Variants in POU2F1 observed in about 807,000 individuals in gnomAD.
The protein encoded by POU2F1 is POU domain, class 2, transcription factor 1.
Under a neutral mutation model 84.9 loss-of-function variants are expected in POU2F1, and 16 were observed. The ratio of observed to expected loss-of-function variants is 0.19; its 90% CI spans 0.13 to 0.29. The LOEUF is 0.29. POU2F1 is among the 10% of genes least tolerant of loss of function. The pLI, the probability that POU2F1 is intolerant of heterozygous loss-of-function variation, is 1.00. For synonymous variants in POU2F1, 368 were observed against 368.3 expected, an observed-to-expected ratio of 1.00 and a Z score of 0.01; for missense variants, 738 against 942.6, an observed-to-expected ratio of 0.78 and a Z score of 2.84.
rs945912075 is a variant in POU2F1 at position 167,409,282 on chromosome 1, A to C, written c.1556-2677A>C. Among the ~76,000 whole-genome samples the C allele has an allele frequency of 5.3e-5, 8 of 152,150 alleles. 1 individual carries two copies. In the South Asian group the frequency reaches 1.7e-3, roughly 32 times the overall value. ...AGTTTATAAGTTGTATCTCAATAAA[A>C]GCTGTTTGAGAAAAGACAAGACAGG... On this transcript the variant is annotated intron_variant, in intron 13 of 15. Coordinates refer to ENST00000367866, the MANE Select transcript of POU2F1 (RefSeq NM_002697.4).
chr1:167,327,692 A>G lies in POU2F1; in HGVS notation c.62-4778A>G, dbSNP rs1656801108. On this transcript the variant is annotated intron_variant, in intron 1 of 15. Coordinates refer to ENST00000367866, the MANE Select transcript of POU2F1 (RefSeq NM_002697.4). The stretch of plus-strand genomic sequence containing the variant: ...TGCCGTTTACTGGTTTCTTCACTAC[A>G]CGGAAAACAAACCATTCAGTCTGCT... 2.6e-5 allele frequency among the ~76,000 whole-genome samples: 4 copies of G among 152,272 alleles called. 1 individual carries two copies. The South Asian group carries it at 8.3e-4, about 32-fold the overall frequency.
chr1:167,251,780 AT>A (rs1650746387), intron 1 of POU2F1, among the ~76,000 whole-genome samples: 2 of 151,928 alleles, frequency 1.3e-5, no homozygotes, highest in East Asian at 3.9e-4. Flanking sequence ...CACGGAACAT[AT>A]TACAGGTTTC....
At chr1:167,413,471 C>T (rs534689312) in intron 15 of POU2F1, among the ~76,000 whole-genome samples, 18 of 152,114 alleles carry the variant, frequency 1.2e-4, no homozygotes, top group African/African-American at 2.7e-4. Context: ...ATCTAAAACC[C>T]GTCTCTAGGC....
intron 1 of POU2F1, among the ~76,000 whole-genome samples, chr1:167,288,976 C>T (rs1653728957): frequency 6.6e-6 from 1 of 152,154 alleles, no homozygotes; most frequent in Non-Finnish European, 1.5e-5. Context: ...CCAAGAACAT[C>T]ACAAACCGGA....
chr1:167,246,558 G>C (rs1650335292), intron 1 of POU2F1, among the ~76,000 whole-genome samples: 1 of 152,072 alleles, frequency 6.6e-6, no homozygotes, highest in Non-Finnish European at 1.5e-5. Context: ...AATCTAAGAA[G>C]TATAAATTAA....
chr1:167,324,420 CTT>C (rs1656548442), intron 1 of POU2F1, among the ~76,000 whole-genome samples: 1 of 147,116 alleles, frequency 6.8e-6, no homozygotes, highest in African/African-American at 2.7e-5. Context: ...ACGTAAAAAT[CTT>C]TTGAGTTTTT....
chr1:167,322,075 C>T (rs1239316708), intron 1 of POU2F1, among the ~76,000 whole-genome samples: 1 of 152,224 alleles, frequency 6.6e-6, no homozygotes, highest in Non-Finnish European at 1.5e-5. Context: ...ACGGCCAGTG[C>T]TGTAGAGAAA....
At chr1:167,404,499 G>C (rs1649421858) in intron 13 of POU2F1, among the ~76,000 whole-genome samples, 1 of 152,150 alleles carries the variant, frequency 6.6e-6, no homozygotes. Context: ...TCCAAAATGA[G>C]GGGTATCTTT....
At chr1:167,338,514 G>T (rs924155553) in intron 2 of POU2F1, among the ~76,000 whole-genome samples, 1 of 152,116 alleles carries the variant, frequency 6.6e-6, no homozygotes, top group African/African-American at 2.4e-5. Context: ...GCCTAGATCA[G>T]CAGTCCAAAC....
At chr1:167,369,153 G>A (rs144651338) in intron 3 of POU2F1, among the ~76,000 whole-genome samples, 102 of 152,078 alleles carry the variant, frequency 6.7e-4, no homozygotes, top group Non-Finnish European at 1.3e-3. Flanking sequence ...TTTGAACAGT[G>A]TACACTGGTT....
Position 167,371,783 on chromosome 1 carries a change from A to G in POU2F1, c.283-134A>G, listed in dbSNP as rs1660015921. ...ATGTGAAACTAGGAAAATACAAATA[A>G]AAGAAAGGAGGTAAACCAGAACTCA... On this transcript the variant is annotated intron_variant, in intron 4 of 15. Coordinates refer to ENST00000367866, the MANE Select transcript of POU2F1 (RefSeq NM_002697.4). The G allele has an allele frequency of 5.7e-6, 7 of 1,225,768 alleles. No individual in the cohort carries two copies. The South Asian group carries it at 9.8e-5, about 17-fold the overall frequency. The allele number at this position is 1,225,768 out of a possible 1,614,324, so 75.9% of individuals were successfully genotyped here.
intron 6 of POU2F1, 107 bp downstream of exon 6, chr1:167,374,403 CT>C (rs752950526): frequency 3.0e-5 from 32 of 1,066,706 alleles, no homozygotes; most frequent in Non-Finnish European, 4.1e-5. Flanking sequence ...CCTTAACTGC[CT>C]GAGGAGCTCT....
chr1:167,395,976 T>C (rs184670024), intron 9 of POU2F1, among the ~76,000 whole-genome samples: 2 of 152,336 alleles, frequency 1.3e-5, no homozygotes, highest in Non-Finnish European at 2.9e-5. Context: ...GTTAGAATAT[T>C]AGCACTATTT....
chr1:167,351,375 G>C (rs1284473038), intron 2 of POU2F1, among the ~76,000 whole-genome samples: 1 of 151,620 alleles, frequency 6.6e-6, no homozygotes, highest in Non-Finnish European at 1.5e-5. Flanking sequence ...AAAATTAGCT[G>C]GGTATGGTGG....
intron 1 of POU2F1, among the ~76,000 whole-genome samples, chr1:167,325,599 C>CTAG (rs1458110273): frequency 3.3e-5 from 5 of 151,950 alleles, no homozygotes; most frequent in Admixed American, 2.6e-4. Flanking sequence ...TATTTTAATA[C>CTAG]TAGTAGTGTC....
At chr1:167,386,507 ATG>A (rs1004544648) in intron 8 of POU2F1, among the ~76,000 whole-genome samples, 3 of 152,186 alleles carry the variant, frequency 2.0e-5, no homozygotes, top group African/African-American at 7.2e-5. Context: ...ATAAAATTAA[ATG>A]TGCATGTACC....
rs543029260 is a variant in POU2F1, at chr1:167,294,506, T to G, written c.62-37964T>G. 3.8e-3 allele frequency among the ~76,000 whole-genome samples: 580 copies of G among 152,254 alleles called. 3 individuals are homozygous for G. Among genetic ancestry groups the G allele is most frequent in the African/African-American group, 0.013 (558 of 41,542 alleles). ...AACCCACAAAGTGGGAGAAAATATT[T>G]GCAAACTATACATCTGACAAAGGAC... On this transcript the variant is annotated intron_variant, in intron 1 of 15. Transcript: ENST00000367866.
At chr1:167,412,329 A>G in intron 14 of POU2F1, 25 bp downstream of exon 14, 2 of 1,498,946 alleles carry the variant, frequency 1.3e-6, no homozygotes, top group South Asian at 1.3e-5. Flanking sequence ...CATCTCATTC[A>G]CGTCTGAGGT....
chr1:167,374,926 G>A (rs1350741112), intron 6 of POU2F1, among the ~76,000 whole-genome samples: 1 of 152,082 alleles, frequency 6.6e-6, no homozygotes, highest in African/African-American at 2.4e-5. Flanking sequence ...AATTAGCCAG[G>A]TGTGGTGGCA....
Sources: allele counts gnomAD v4.1 joint callset (sites outside exome capture counted in the v4.1 genomes callset), GRCh38; gene constraint gnomAD v4.1.1; transcripts MANE v1.5; gene names NCBI Gene and HGNC (gene_info 2026-07-23, HGNC 2026-07-21).